The following SPATA6 variants were observed in gnomAD, a reference collection of about 807,000 sequenced individuals.
SPATA6 encodes the protein spermatogenesis associated 6, also known as spermatogenesis-associated protein 6.
Under a neutral mutation model 65.3 loss-of-function variants are expected in SPATA6, and 56 were observed. The ratio of observed to expected loss-of-function variants is 0.86; its 90% CI spans 0.69 to 1.07. The LOEUF (loss-of-function observed/expected upper bound fraction) is 1.07. SPATA6 is among the 50% of genes least tolerant of loss of function. The pLI is 0.00. For missense variants in SPATA6, 590 were observed against 594.8 expected (o/e 0.99, Z 0.08); for synonymous variants, 199 against 213.2 (o/e 0.93, Z 0.58).
chr1:48,338,781 A>G (rs76620617), intron 11 of SPATA6, among the ~76,000 whole-genome samples: 5,390 of 152,148 alleles, frequency 0.035, 314 homozygotes, highest in African/African-American at 0.12. Context: ...GCTAATCCAA[A>G]ATCTCTGAAA....
At chr1:48,385,972 T>C (rs1368919376) in intron 8 of SPATA6, among the ~76,000 whole-genome samples, 1 of 152,142 alleles carries the variant, frequency 6.6e-6, no homozygotes, top group Non-Finnish European at 1.5e-5. Context: ...AAAATAGAAA[T>C]CAACTATTAT....
At chr1:48,307,806 C>CT (rs1645099275) in intron 11 of SPATA6, among the ~76,000 whole-genome samples, 2 of 151,572 alleles carry the variant, frequency 1.3e-5, no homozygotes, top group Non-Finnish European at 3.0e-5. Flanking sequence ...TCATATCTTC[C>CT]TGATGGTTTG....
At position 48,296,182 on chromosome 1, in the gene SPATA6, A is replaced by G. The variant is rs1180155321; in HGVS notation, c.*2531T>C. On this transcript the variant is annotated 3_prime_UTR_variant, in exon 13 of 13. Coordinates refer to ENST00000371847, the MANE Select transcript of SPATA6 (RefSeq NM_019073.4). ...GGAAAAAAAAAAGGCTAAGAGAATA[A>G]ACAACTGCACCTTTCTGCTCCTGTG... is the stretch of plus-strand genomic sequence containing the variant. 6.6e-6 allele frequency: 1 copy of G among 152,082 alleles called. No individual in the cohort carries two copies. The highest frequency in any genetic ancestry group is 1.5e-5 in the Non-Finnish European group (1 of 67,994). 9.4% of individuals were successfully genotyped at this position (152,082 alleles called of 1,614,324 possible).
chr1:48,379,730 T>C (rs1267872365), intron 9 of SPATA6, among the ~76,000 whole-genome samples: 1 of 152,196 alleles, frequency 6.6e-6, no homozygotes, highest in Non-Finnish European at 1.5e-5. Context: ...TGCATATATC[T>C]TATGCTCTTT....
chr1:48,416,084 T>C (rs1233119682), intron 3 of SPATA6, among the ~76,000 whole-genome samples: 1 of 152,014 alleles, frequency 6.6e-6, no homozygotes, highest in African/African-American at 2.4e-5. Context: ...GCACCTCTAG[T>C]CCCAGCTACT....
At chr1:48,308,585 C>G (rs1293187101) in intron 11 of SPATA6, among the ~76,000 whole-genome samples, 1 of 152,042 alleles carries the variant, frequency 6.6e-6, no homozygotes, top group African/African-American at 2.4e-5. Flanking sequence ...TGTCTAGTGT[C>G]CTTTCACTTC....
At chr1:48,268,611 C>T in the SPATA6 span, among the ~76,000 whole-genome samples, 2 of 151,854 alleles carry the variant, frequency 1.3e-5, no homozygotes, top group African/African-American at 2.4e-5. Context: ...AGAGAACATA[C>T]TCTCAAACTA....
At chr1:48,351,481 T>C (rs1481836627) in intron 11 of SPATA6, among the ~76,000 whole-genome samples, 1 of 152,078 alleles carries the variant, frequency 6.6e-6, no homozygotes, top group African/African-American at 2.4e-5. Context: ...AGTTCACTTC[T>C]ACTCCCACTT....
At chr1:48,426,318 G>A (rs571869517) in intron 3 of SPATA6, among the ~76,000 whole-genome samples, 3 of 152,242 alleles carry the variant, frequency 2.0e-5, no homozygotes, top group Admixed American at 2.0e-4. Context: ...CATTTCAATA[G>A]CAGGTAAATT....
At chr1:48,312,350 T>A (rs767680350) in intron 11 of SPATA6, among the ~76,000 whole-genome samples, 23 of 152,104 alleles carry the variant, frequency 1.5e-4, no homozygotes, top group Admixed American at 3.9e-4. Context: ...GAGACAAAAC[T>A]TCCAGAGGAA....
At chr1:48,361,632 C>A (rs150304171) in intron 9 of SPATA6, among the ~76,000 whole-genome samples, 1 of 152,064 alleles carries the variant, frequency 6.6e-6, no homozygotes, top group African/African-American at 2.4e-5. Context: ...AATATTTGAC[C>A]ATTTAGACAG....
chr1:48,366,071 G>C (rs1646999026), intron 9 of SPATA6, among the ~76,000 whole-genome samples: 1 of 152,110 alleles, frequency 6.6e-6, no homozygotes, highest in Admixed American at 6.5e-5. Flanking sequence ...TTTGTCTTTG[G>C]TTCTGTTTAT....
At position 48,395,282 on chromosome 1, in the gene SPATA6, ACCAT is replaced by A; in HGVS notation, c.849_852del (p.Trp284GlnfsTer33). The A allele has an allele frequency of 6.4e-7, 1 of 1,565,928 alleles. No individual in the cohort carries two copies. The highest frequency in any genetic ancestry group is 8.7e-7 in the Non-Finnish European group (1 of 1,153,226). On this transcript the variant is annotated frameshift_variant, in exon 8 of 13. Coordinates refer to ENST00000371847, the MANE Select transcript of SPATA6 (RefSeq NM_019073.4). LOFTEE classifies it high-confidence loss of function. Reference sequence around the variant, plus strand: ...TCTAGCTTACCATTGTGCACCCTTGACCATCCATCTCTTTCACAGTCTCTTCCAG... The same window carrying A: ...TCTAGCTTACCATTGTGCACCCTTGACCATCTCTTTCACAGTCTCTTCCAG...
intron 3 of SPATA6, among the ~76,000 whole-genome samples, chr1:48,414,536 A>G (rs968324597): frequency 6.6e-6 from 1 of 152,124 alleles, no homozygotes; most frequent in Admixed American, 6.5e-5. Flanking sequence ...CTACAGCCAT[A>G]TCTAGCATTC....
intron 10 of SPATA6, among the ~76,000 whole-genome samples, 164 bp from the exon 11 acceptor site, chr1:48,355,933 C>T (rs1437636010): frequency 2.6e-5 from 4 of 152,054 alleles, no homozygotes; most frequent in Admixed American, 6.6e-5. Flanking sequence ...GATTTCCACA[C>T]AGTTATTTGG....
At chr1:48,294,243 ATT>A (rs1644786390), downstream of SPATA6, among the ~76,000 whole-genome samples, 1 of 151,996 alleles carries the variant, frequency 6.6e-6, no homozygotes, top group Non-Finnish European at 1.5e-5. Context: ...CGCCTGGCTG[ATT>A]TTTGTATTTT....
chr1:48,387,429 C>A (rs1455996972), intron 8 of SPATA6, among the ~76,000 whole-genome samples: 1 of 152,158 alleles, frequency 6.6e-6, no homozygotes, highest in Non-Finnish European at 1.5e-5. Context: ...GCATAAGTGC[C>A]ACTGGGCTGA....
intron 11 of SPATA6, among the ~76,000 whole-genome samples, chr1:48,312,623 T>G (rs1019486223): frequency 4.6e-5 from 7 of 151,894 alleles, no homozygotes; most frequent in Non-Finnish European, 8.8e-5. Flanking sequence ...AACTGAAAAT[T>G]CTAAAAATCA....
intron 11 of SPATA6, among the ~76,000 whole-genome samples, chr1:48,341,408 A>C (rs182740055): frequency 1.1e-4 from 17 of 152,286 alleles, no homozygotes; most frequent in Non-Finnish European, 2.2e-4. Flanking sequence ...TCTGCCCAGG[A>C]CATGAATCAT....
Sources: allele counts gnomAD v4.1 joint callset (sites outside exome capture counted in the v4.1 genomes callset), GRCh38; gene constraint gnomAD v4.1.1; transcripts MANE v1.5; gene names NCBI Gene and HGNC (gene_info 2026-07-23, HGNC 2026-07-21).